The following ITGA9 variants were observed in gnomAD, a reference collection of about 807,000 sequenced individuals.
ITGA9 encodes the protein integrin subunit alpha 9.
A neutral mutation model predicts 127.8 loss-of-function variants in ITGA9; 56 were observed. That is an observed-to-expected ratio of 0.44 (90% CI 0.35 to 0.55). The LOEUF (loss-of-function observed/expected upper bound fraction) is 0.55. Among genes scored for constraint, ITGA9 ranks in the 20% least tolerant of loss-of-function variants. ITGA9 has a pLI of 0.00. For synonymous variants in ITGA9, 508 were observed against 514.5 expected (o/e 0.99, Z 0.17); for missense variants, 1,196 against 1,347.1 (o/e 0.89, Z 1.76).
intron 16 of ITGA9, among the ~76,000 whole-genome samples, chr3:37,630,500 G>A (rs540912006): frequency 6.6e-6 from 1 of 152,338 alleles, no homozygotes; most frequent in Admixed American, 6.5e-5. Context: ...TCACCTTGAG[G>A]CAAGAGGGGC....
At chr3:37,721,290 T>C (rs1301920573) in intron 18 of ITGA9, among the ~76,000 whole-genome samples, 2 of 152,138 alleles carry the variant, frequency 1.3e-5, no homozygotes, top group African/African-American at 4.8e-5. Flanking sequence ...GGCTAATTTT[T>C]ATTTTTGTTG....
chr3:37,628,822 A>G (rs535600959), intron 15 of ITGA9, among the ~76,000 whole-genome samples: 1 of 152,338 alleles, frequency 6.6e-6, no homozygotes, highest in East Asian at 1.9e-4. Context: ...TCATCGAAAC[A>G]CTGAATGCAA....
rs34063758 is a variant in ITGA9, at chr3:37,748,747, T to TAA, written c.2434-1696_2434-1695dup. The TAA allele has an allele frequency of 5.5e-3, 2,461 of 449,788 alleles. 3 individuals carry two copies. The highest frequency in any genetic ancestry group is 0.013 in the South Asian group (565 of 44,062). 27.9% of individuals were successfully genotyped at this position (449,788 alleles called of 1,614,324 possible). On this transcript the variant is annotated intron_variant, in intron 22 of 27. Transcript: ENST00000264741. ...TGGGCGACAGAGCAAGACTCTGTCT[T>TAA]AAAAAAAAAAAAAAAAAAAAGAAGG...
At chr3:37,683,198 A>G (rs143287288) in intron 17 of ITGA9, among the ~76,000 whole-genome samples, 398 of 152,246 alleles carry the variant, frequency 2.6e-3, no homozygotes, top group African/African-American at 9.4e-3. Flanking sequence ...TTACCTGCAC[A>G]TGCCAGGCAC....
At chr3:37,518,986 T>C (rs1440817478) in intron 10 of ITGA9, among the ~76,000 whole-genome samples, 2 of 152,000 alleles carry the variant, frequency 1.3e-5, no homozygotes, top group African/African-American at 4.8e-5. Context: ...GGTTTCACTA[T>C]GTTGGCCAGG....
At chr3:37,636,255 A>G (rs1700277725) in intron 16 of ITGA9, among the ~76,000 whole-genome samples, 1 of 152,156 alleles carries the variant, frequency 6.6e-6, no homozygotes, top group Non-Finnish European at 1.5e-5. Flanking sequence ...CCAACAGTGT[A>G]AAAGTCTTCC....
chr3:37,731,774 G>A (rs1028795823), intron 18 of ITGA9, among the ~76,000 whole-genome samples: 2 of 152,064 alleles, frequency 1.3e-5, no homozygotes, highest in African/African-American at 4.8e-5. Flanking sequence ...ATTTGATAAT[G>A]TTCATAATAT....
At position 37,621,047 on chromosome 3, in the gene ITGA9, G is replaced by A. The variant is rs187599040; in HGVS notation, c.1690-8140G>A. 1.7e-4 allele frequency among the ~76,000 whole-genome samples: 26 copies of A among 152,292 alleles called. No individual in the cohort carries two copies. The East Asian group carries it at 4.8e-3, about 28-fold the overall frequency. On this transcript the variant is annotated intron_variant, in intron 15 of 27. Coordinates refer to ENST00000264741, the MANE Select transcript of ITGA9 (RefSeq NM_002207.3). ...AGCTCTTATAATTCCCACATGCTGTGGGAGGGACCTGGTGGGAGATAATTG... is the reference window on the plus strand; with the variant it reads ...AGCTCTTATAATTCCCACATGCTGTAGGAGGGACCTGGTGGGAGATAATTG...
At position 37,617,481 on chromosome 3, in the gene ITGA9, C is replaced by T. The variant is rs1407412639; in HGVS notation, c.1690-11706C>T. Reference sequence around the variant, plus strand: ...TCGAGGAGTATCTTTGTGGCATTCTCTGTATTTCCTGAATTTGAATGTTGG... The same window carrying T: ...TCGAGGAGTATCTTTGTGGCATTCTTTGTATTTCCTGAATTTGAATGTTGG... On this transcript the variant is annotated intron_variant, in intron 15 of 27. Transcript: ENST00000264741. Among the ~76,000 whole-genome samples, 4 of 152,166 alleles carry T rather than the reference C, an allele frequency of 2.6e-5. No individual in the cohort carries two copies. The East Asian group carries it at 7.7e-4, about 29-fold the overall frequency.
chr3:37,452,411 C>T lies in ITGA9; in HGVS notation c.37C>T (p.Leu13Phe). ...GPAAPRGAGR[L>F]RALLLALVVA... Reference sequence around the variant, plus strand: ...GGCTGCGCCGAGGGGCGCCGGGAGGCTCCGCGCGCTGCTGCTGGCGCTGGT... The same window carrying T: ...GGCTGCGCCGAGGGGCGCCGGGAGGTTCCGCGCGCTGCTGCTGGCGCTGGT... Residue 13 changes from leucine (L) to phenylalanine (F), a missense_variant, in exon 1 of 28, where the codon CTC (leucine) becomes TTC (phenylalanine). Transcript: ENST00000264741. The surrounding 1 kb of genome is among the most constrained non-coding windows in gnomAD (Gnocchi z 7.3). 7.0e-7 allele frequency: 1 copy of T among 1,436,850 alleles called. No homozygotes were observed. 89.0% of individuals were successfully genotyped at this position (1,436,850 alleles called of 1,614,324 possible).
chr3:37,747,494 C>T (rs929949043), intron 22 of ITGA9, among the ~76,000 whole-genome samples: 2 of 152,082 alleles, frequency 1.3e-5, no homozygotes, highest in African/African-American at 4.8e-5. Flanking sequence ...CTTATTCTTT[C>T]AATTTTTTTA....
chr3:37,495,284 A>G (rs1323685394), intron 5 of ITGA9, among the ~76,000 whole-genome samples: 8 of 152,238 alleles, frequency 5.3e-5, no homozygotes, highest in Non-Finnish European at 2.9e-5. Context: ...AACTCTAACC[A>G]TTCCTTTTCC....
intron 18 of ITGA9, among the ~76,000 whole-genome samples, chr3:37,725,674 A>G (rs371222181): frequency 6.6e-6 from 1 of 152,206 alleles, no homozygotes; most frequent in South Asian, 2.1e-4. Flanking sequence ...TAGAGTTTTT[A>G]GATAATGGAT....
chr3:37,687,682 G>T (rs565309466), intron 18 of ITGA9, among the ~76,000 whole-genome samples: 2 of 152,300 alleles, frequency 1.3e-5, no homozygotes, highest in Non-Finnish European at 1.5e-5. Context: ...AATTAGAACA[G>T]TATATTCCAT....
intron 10 of ITGA9, 43 bp downstream of exon 10, chr3:37,517,652 C>T (rs958920903): frequency 7.2e-7 from 1 of 1,385,242 alleles, no homozygotes; most frequent in African/African-American, 1.4e-5. Context: ...CCAGGTGCAG[C>T]ACGCTGCTCT....
At chr3:37,572,972 C>CTTACATATCT (rs1475158300) in intron 15 of ITGA9, among the ~76,000 whole-genome samples, 1 of 152,124 alleles carries the variant, frequency 6.6e-6, no homozygotes, top group Non-Finnish European at 1.5e-5. Context: ...ATAACAATAC[C>CTTACATATCT]TTACATATCT....
At chr3:37,559,423 A>G (rs1467078882) in intron 15 of ITGA9, among the ~76,000 whole-genome samples, 1 of 152,242 alleles carries the variant, frequency 6.6e-6, no homozygotes, top group African/African-American at 2.4e-5. Flanking sequence ...TGGTGTGAGG[A>G]TAAAATGAGG....
intron 17 of ITGA9, among the ~76,000 whole-genome samples, chr3:37,666,110 A>G (rs1392761888): frequency 6.6e-6 from 1 of 152,190 alleles, no homozygotes; most frequent in Non-Finnish European, 1.5e-5. Context: ...AGAAGGGGAG[A>G]CACACATGAA....
intron 8 of ITGA9, among the ~76,000 whole-genome samples, chr3:37,511,810 GA>G (rs1698907632): frequency 6.6e-6 from 1 of 152,120 alleles, no homozygotes; most frequent in African/African-American, 2.4e-5. Context: ...TTAGCTGCAG[GA>G]AATAGATTGG....
Sources: allele counts gnomAD v4.1 joint callset (sites outside exome capture counted in the v4.1 genomes callset), GRCh38; gene constraint gnomAD v4.1.1; non-coding constraint Gnocchi (gnomAD v3.1); transcripts MANE v1.5; gene names NCBI Gene and HGNC (gene_info 2026-07-23, HGNC 2026-07-21).